The following CFAP91 variants were observed in gnomAD, a reference collection of about 807,000 sequenced individuals.
The protein encoded by CFAP91 is cilia and flagella associated protein 91, also known as cilia- and flagella-associated protein 91.
In CFAP91, 85 loss-of-function variants were observed where a neutral mutation model predicts 95.9. The observed-to-expected ratio is 0.89, with a 90% CI of 0.74 to 1.06. The LOEUF (loss-of-function observed/expected upper bound fraction) is 1.06, where lower values mean the gene tolerates loss of function less well. Among genes scored for constraint, CFAP91 ranks in the 50% least tolerant of loss-of-function variants. The pLI, the probability that CFAP91 is intolerant of heterozygous loss-of-function variation, is 0.00. For missense variants in CFAP91, 962 were observed against 943.4 expected (o/e 1.02, Z -0.26); for synonymous variants, 335 against 327.5 (o/e 1.02, Z -0.25).
chr3:119,760,808 T>TA lies in CFAP91; in HGVS notation c.*2-4234dup, dbSNP rs978469852. On this transcript the variant is annotated intron_variant, in intron 17 of 17. Transcript: ENST00000273390. ...TCAAAGAAGAAATGAAAAGGGAAATTAAAAAAAAAACCTTGAGGCAAATGA... is the reference window on the plus strand; with the variant it reads ...TCAAAGAAGAAATGAAAAGGGAAATTAAAAAAAAAAACCTTGAGGCAAATGA... 4.7e-3 allele frequency among the ~76,000 whole-genome samples: 690 copies of TA among 145,724 alleles called. 5 individuals carry two copies. Among genetic ancestry groups the TA allele is most frequent in the African/African-American group, 0.014 (569 of 39,936 alleles).
At chr3:119,734,448 C>CT (rs1280973678) in intron 10 of CFAP91, among the ~76,000 whole-genome samples, 1 of 113,506 alleles carries the variant, frequency 8.8e-6, no homozygotes, top group Non-Finnish European at 1.8e-5. Flanking sequence ...TTTATAGATT[C>CT]TTTTTATTAG....
chr3:119,713,993 G>A (rs915466497), intron 5 of CFAP91, among the ~76,000 whole-genome samples: 1 of 152,104 alleles, frequency 6.6e-6, no homozygotes, highest in Non-Finnish European at 1.5e-5. Context: ...TTAGAAATGA[G>A]ACTTTATGAA....
At chr3:119,721,301 T>G (rs2053680497) in intron 6 of CFAP91, among the ~76,000 whole-genome samples, 1 of 152,198 alleles carries the variant, frequency 6.6e-6, no homozygotes, top group African/African-American at 2.4e-5. Context: ...TGACATATAC[T>G]CTGAATAAAC....
intron 3 of CFAP91, among the ~76,000 whole-genome samples, chr3:119,708,033 G>A (rs920402215): frequency 7.9e-5 from 12 of 152,072 alleles, no homozygotes; most frequent in Non-Finnish European, 1.5e-4. Context: ...TGTAATCCCA[G>A]CACTTTGGGA....
intron 14 of CFAP91, among the ~76,000 whole-genome samples, chr3:119,746,786 C>A (rs745643568): frequency 6.6e-6 from 1 of 152,182 alleles, no homozygotes; most frequent in Non-Finnish European, 1.5e-5. Flanking sequence ...GACCAAGTCA[C>A]GTTGCTGGTA....
rs10049388 is a variant in CFAP91 at position 119,720,258 on chromosome 3, G to T, written c.682+4515G>T. ...AAAAAAAAAAAAAAATTAGCTGGGC[G>T]CGGTGGCGGGCGCCCGTAGTCCCAG... On this transcript the variant is annotated intron_variant, in intron 6 of 17. Coordinates refer to ENST00000273390, the MANE Select transcript of CFAP91 (RefSeq NM_033364.4). Among the ~76,000 whole-genome samples the T allele has an allele frequency of 2.4e-3, 355 of 149,914 alleles. 2 individuals are homozygous for T. The highest frequency in any genetic ancestry group is 4.0e-3 in the Non-Finnish European group (268 of 67,538).
intron 1 of CFAP91, 144 bp downstream of exon 1, chr3:119,703,366 T>TG (rs1336021355): frequency 9.2e-6 from 12 of 1,311,454 alleles, no homozygotes; most frequent in East Asian, 5.2e-5. Flanking sequence ...CTTGGTCGGG[T>TG]GGGGGCAGCT....
At chr3:119,750,719 G>T in intron 16 of CFAP91, 1 of 548,558 alleles carries the variant, frequency 1.8e-6, no homozygotes. Flanking sequence ...TCCAGATGAG[G>T]GAAACTGCTG....
At chr3:119,704,679 A>T (rs1240960019) in intron 1 of CFAP91, among the ~76,000 whole-genome samples, 1 of 152,082 alleles carries the variant, frequency 6.6e-6, no homozygotes, top group Non-Finnish European at 1.5e-5. Flanking sequence ...TTATCTGGCA[A>T]CTCTAGCCTT....
At chr3:119,722,806 G>T (rs1226769789) in intron 6 of CFAP91, among the ~76,000 whole-genome samples, 1 of 151,804 alleles carries the variant, frequency 6.6e-6, no homozygotes, top group East Asian at 1.9e-4. Context: ...AAAATTACAT[G>T]CACGGTAGCA....
intron 16 of CFAP91, among the ~76,000 whole-genome samples, chr3:119,748,640 A>G (rs2054269378): frequency 6.6e-6 from 1 of 152,212 alleles, no homozygotes. Flanking sequence ...TAACATTTCA[A>G]TTTGCTCAAT....
intron 6 of CFAP91, among the ~76,000 whole-genome samples, chr3:119,722,177 TAAA>T (rs569308101): frequency 7.7e-5 from 7 of 91,232 alleles, no homozygotes; most frequent in Admixed American, 1.3e-4. Context: ...ACCCTGTCTC[TAAA>T]AAAAAAAAAA....
chr3:119,744,897 A>T (rs1273892690), intron 14 of CFAP91, among the ~76,000 whole-genome samples: 1 of 152,222 alleles, frequency 6.6e-6, no homozygotes, highest in Non-Finnish European at 1.5e-5. Flanking sequence ...ATTATTGGCA[A>T]ATCAGAACTT....
At chr3:119,759,411 G>A (rs1306151603) in intron 17 of CFAP91, among the ~76,000 whole-genome samples, 1 of 151,886 alleles carries the variant, frequency 6.6e-6, no homozygotes, top group Admixed American at 6.6e-5. Context: ...GGGAGCTTAT[G>A]GAATACTATT....
chr3:119,740,669 C>T lies in CFAP91; in HGVS notation c.1654C>T (p.Arg552Trp), dbSNP rs150353258. 1.6e-4 allele frequency: 261 copies of T among 1,614,110 alleles called. 1 individual carries two copies. In the East Asian group the frequency reaches 2.7e-3, roughly 17 times the overall value. The change falls in exon 13 of 18, where the codon CGG becomes TGG. Residue 552 changes from arginine (R) to tryptophan (W), a missense_variant. Coordinates refer to ENST00000273390, the MANE Select transcript of CFAP91 (RefSeq NM_033364.4). Reference sequence around the variant, plus strand: ...GAAGCAAGTGACCCTGGCCTTACAGCGGCAGAGGAACTTGCATGAGCACAA... The same window carrying T: ...GAAGCAAGTGACCCTGGCCTTACAGTGGCAGAGGAACTTGCATGAGCACAA... Reference protein sequence around the residue: ...AEKQVTLALQRQRNLHEHKVS... With the variant: ...AEKQVTLALQWQRNLHEHKVS...
At chr3:119,704,718 A>G (rs1032560636) in intron 1 of CFAP91, among the ~76,000 whole-genome samples, 1 of 152,212 alleles carries the variant, frequency 6.6e-6, no homozygotes, top group African/African-American at 2.4e-5. Flanking sequence ...GCCCCAAGTA[A>G]TGATATTTCG....
chr3:119,732,481 G>A lies in CFAP91; in HGVS notation c.1201+5G>A, dbSNP rs1457793854. On this transcript the variant is annotated splice_donor_5th_base_variant and intron_variant, in intron 9 of 17. Transcript: ENST00000273390. ...ACTATCTCAACACCTATGAAGGTAA[G>A]CAATTTACATAATTAGAAATCCAGT... 3.9e-6 allele frequency: 6 copies of A among 1,545,684 alleles called. No individual in the cohort carries two copies. In the Admixed American group the frequency reaches 8.3e-5, roughly 21 times the overall value.
chr3:119,743,490 T>G (rs967832857), intron 13 of CFAP91, among the ~76,000 whole-genome samples: 1 of 152,236 alleles, frequency 6.6e-6, no homozygotes, highest in African/African-American at 2.4e-5. Flanking sequence ...ACCAAGGTTT[T>G]CTACTTTCAC....
chr3:119,747,933 T>C, intron 16 of CFAP91, 31 bp downstream of exon 16: 1 of 1,494,748 alleles, frequency 6.7e-7, no homozygotes, highest in Non-Finnish European at 9.3e-7. Flanking sequence ...TACTTTAGGA[T>C]TTTTTAAAGA....
Sources: allele counts gnomAD v4.1 joint callset (sites outside exome capture counted in the v4.1 genomes callset), GRCh38; gene constraint gnomAD v4.1.1; transcripts MANE v1.5; gene names NCBI Gene and HGNC (gene_info 2026-07-23, HGNC 2026-07-21).